CACNA1D: variants seen among roughly 807,000 people sequenced by gnomAD.
The protein encoded by CACNA1D is voltage-dependent L-type calcium channel subunit alpha-1D.
CACNA1D carries 55 observed loss-of-function variants against 257.1 expected under a neutral mutation model. The ratio of observed to expected loss-of-function variants is 0.21; its 90% CI spans 0.17 to 0.27. The LOEUF (loss-of-function observed/expected upper bound fraction) is 0.27, where lower values mean the gene tolerates loss of function less well. Among genes scored for constraint, CACNA1D ranks in the 10% least tolerant of loss-of-function variants. The pLI is 1.00. For missense variants in CACNA1D, 1,876 were observed against 2,784.0 expected (o/e 0.67, Z 7.34); for synonymous variants, 980 against 1,014.9 (o/e 0.97, Z 0.65).
At chr3:53,801,502 G>A (rs2095535765) in intron 42 of CACNA1D, 77 bp downstream of exon 42, 9 of 1,581,496 alleles carry the variant, frequency 5.7e-6, no homozygotes, top group African/African-American at 1.3e-5. Context: ...AGCAAGGCGG[G>A]TCTGTGCTCT....
rs200769560 is a variant in CACNA1D at position 53,811,414 on chromosome 3, C to G, written c.*8C>G. ...TGCATCACCACCTTGTAGCCCCCAG[C>G]GAGGGGCAGACTGGCTCTGGCCTCA... On this transcript the variant is annotated 3_prime_UTR_variant, in exon 48 of 48. Coordinates refer to ENST00000350061, the MANE Select transcript of CACNA1D (RefSeq NM_001128840.3). This position sits in a 1 kb window ranked among gnomAD's most constrained non-coding sequence, Gnocchi z 4.2. 245 of 1,542,636 alleles carry G rather than the reference C, an allele frequency of 1.6e-4. No homozygotes were observed. Among genetic ancestry groups the G allele is most frequent in the Non-Finnish European group, 2.1e-4 (238 of 1,143,056 alleles).
intron 3 of CACNA1D, among the ~76,000 whole-genome samples, chr3:53,598,270 G>A (rs1001223709): frequency 6.6e-6 from 1 of 151,982 alleles, no homozygotes; most frequent in Non-Finnish European, 1.5e-5. Flanking sequence ...CTATTGATGA[G>A]GGCTTAAAGA....
chr3:53,770,865 G>A (rs1291712168), intron 32 of CACNA1D, among the ~76,000 whole-genome samples: 1 of 152,204 alleles, frequency 6.6e-6, no homozygotes, highest in East Asian at 1.9e-4. Flanking sequence ...TGGTGGTGGT[G>A]AGTGCCAGGT....
At chr3:53,803,302 G>A in intron 43 of CACNA1D, 121 bp from the exon 44 acceptor site, 1 of 1,026,526 alleles carries the variant, frequency 9.7e-7, no homozygotes, top group Non-Finnish European at 1.5e-6. Context: ...CCTGAGGCAG[G>A]TGCGCGCTGG....
chr3:53,744,676 A>C (rs2095150699), intron 22 of CACNA1D, 64 bp from the exon 23 acceptor site: 1 of 880,590 alleles, frequency 1.1e-6, no homozygotes. Context: ...TGAAAGGGTG[A>C]ATCTCAAAGC....
intron 20 of CACNA1D, among the ~76,000 whole-genome samples, chr3:53,739,435 G>C (rs559146342): frequency 8.5e-5 from 13 of 152,204 alleles, no homozygotes; most frequent in Non-Finnish European, 1.3e-4. Flanking sequence ...CTGGTGGTCA[G>C]ACTTCTTGCT....
Position 53,597,368 on chromosome 3 carries a change from T to C in CACNA1D, c.484-53411T>C, listed in dbSNP as rs995638023. 7.2e-5 allele frequency among the ~76,000 whole-genome samples: 11 copies of C among 152,298 alleles called. 1 individual carries two copies. Among genetic ancestry groups the C allele is most frequent in the South Asian group, 4.1e-4 (2 of 4,824 alleles). On this transcript the variant is annotated intron_variant, in intron 3 of 47. Transcript: ENST00000350061. ...GATGGGAGCATGTTACTGACTAGGA[T>C]TGCAGGAGCTCAGAGGGTGAGCAGT...
At chr3:53,682,365 T>TAAAAAAAAAAAAAAAC (rs2094437939) in intron 8 of CACNA1D, among the ~76,000 whole-genome samples, 1 of 47,386 alleles carries the variant, frequency 2.1e-5, no homozygotes, top group African/African-American at 9.2e-5. Flanking sequence ...TTGTCTCTGG[T>TAAAAAAAAAAAAAAAC]AAAAAAAAAA....
At chr3:53,610,421 T>C (rs1234639731) in intron 3 of CACNA1D, among the ~76,000 whole-genome samples, 1 of 152,252 alleles carries the variant, frequency 6.6e-6, no homozygotes, top group Non-Finnish European at 1.5e-5. Context: ...GCTTTGCTCC[T>C]GGATGAATTC....
chr3:53,589,156 T>G (rs1414239361), intron 3 of CACNA1D, among the ~76,000 whole-genome samples: 19 of 152,236 alleles, frequency 1.2e-4, no homozygotes. Context: ...TTGTATTTCA[T>G]TATTAATGTT....
intron 9 of CACNA1D, among the ~76,000 whole-genome samples, chr3:53,714,034 G>T (rs1233632662): frequency 6.6e-6 from 1 of 152,194 alleles, no homozygotes; most frequent in Non-Finnish European, 1.5e-5. Flanking sequence ...AAATTGCAGT[G>T]CCAGCATCCT....
At chr3:53,724,078 T>C in intron 14 of CACNA1D, 79 bp downstream of exon 14, 1 of 1,149,782 alleles carries the variant, frequency 8.7e-7, no homozygotes. Flanking sequence ...CTGCTCACAC[T>C]CAGGAAGACA....
intron 2 of CACNA1D, among the ~76,000 whole-genome samples, chr3:53,498,753 A>G (rs185120439): frequency 1.6e-4 from 25 of 152,342 alleles, no homozygotes; most frequent in African/African-American, 5.8e-4. Context: ...GCTAATGGAC[A>G]GGAGTTAAAA....
intron 8 of CACNA1D, among the ~76,000 whole-genome samples, chr3:53,678,653 C>T (rs1576324941): frequency 3.3e-5 from 5 of 152,306 alleles, no homozygotes; most frequent in Admixed American, 3.3e-4. Context: ...GACAAAGACT[C>T]AGGCATGGCT....
At chr3:53,740,196 G>C (rs367948484) in intron 20 of CACNA1D, 84 bp from the exon 21 acceptor site, 243 of 978,758 alleles carry the variant, frequency 2.5e-4, no homozygotes, top group Non-Finnish European at 3.8e-4. Flanking sequence ...TCTCTGACTG[G>C]ATCGGGGGTT....
intron 3 of CACNA1D, among the ~76,000 whole-genome samples, chr3:53,570,292 A>G (rs2092920619): frequency 6.6e-6 from 1 of 152,234 alleles, no homozygotes; most frequent in South Asian, 2.1e-4. Flanking sequence ...TTAATGAGAA[A>G]GGAGCTTATT....
intron 42 of CACNA1D, among the ~76,000 whole-genome samples, chr3:53,801,839 G>A (rs1463858440): frequency 1.3e-5 from 2 of 152,228 alleles, no homozygotes; most frequent in Non-Finnish European, 2.9e-5. Context: ...ATATGTAAGT[G>A]AATGGGTGTG....
chr3:53,629,433 A>G (rs2093797840), intron 3 of CACNA1D, among the ~76,000 whole-genome samples: 1 of 152,256 alleles, frequency 6.6e-6, no homozygotes, highest in South Asian at 2.1e-4. Flanking sequence ...GGAACTGAGT[A>G]TCCAACATAG....
chr3:53,754,037 C>G (rs761101785), intron 29 of CACNA1D, among the ~76,000 whole-genome samples: 1 of 152,212 alleles, frequency 6.6e-6, no homozygotes, highest in Admixed American at 6.5e-5. Context: ...AATGTTTGAA[C>G]ATAACCCATC....
Sources: allele counts gnomAD v4.1 joint callset (sites outside exome capture counted in the v4.1 genomes callset), GRCh38; gene constraint gnomAD v4.1.1; non-coding constraint Gnocchi (gnomAD v3.1); transcripts MANE v1.5; gene names NCBI Gene and HGNC (gene_info 2026-07-23, HGNC 2026-07-21).